Variants in GTF2H1 observed in about 807,000 individuals in gnomAD.
GTF2H1 encodes the protein BTF2 p62.
GTF2H1 carries 16 observed loss-of-function variants against 71.2 expected under a neutral mutation model. The ratio of observed to expected loss-of-function variants is 0.22; its 90% CI spans 0.15 to 0.34. The LOEUF (loss-of-function observed/expected upper bound fraction) is 0.34, where lower values mean the gene tolerates loss of function less well. Ranked by LOEUF, GTF2H1 falls within the 10% of genes least tolerant of loss-of-function variation. The pLI, the probability that GTF2H1 is intolerant of heterozygous loss-of-function variation, is 1.00. For synonymous variants in GTF2H1, 215 were observed against 219.0 expected (o/e 0.98, Z 0.16); for missense variants, 498 against 648.2 (o/e 0.77, Z 2.52).
chr11:18,351,763 AAGCTCATGGTGGGAAGACTTCAT>A, intron 9 of GTF2H1, 95 bp from the exon 10 acceptor site: 1 of 588,688 alleles, frequency 1.7e-6, no homozygotes, highest in East Asian at 2.7e-5. Flanking sequence ...CTAGGAAGAG[AAGCTCATGGTGGGAAGACTTCAT>A]TTTTTACCCT....
rs150308872 is a variant in GTF2H1 at position 18,353,282 on chromosome 11, C to T, written c.1260+836C>T. Among the ~76,000 whole-genome samples, 8 of 152,286 alleles carry T rather than the reference C, an allele frequency of 5.3e-5. No individual in the cohort carries two copies. The South Asian group carries it at 8.3e-4, about 16-fold the overall frequency. On this transcript the variant is annotated intron_variant, in intron 11 of 14. Coordinates refer to ENST00000265963, the MANE Select transcript of GTF2H1 (RefSeq NM_005316.4). The stretch of plus-strand genomic sequence containing the variant: ...AATAAAAACATGTATTTTATCACTG[C>T]GGCTTGAAAACCTTCACTGCCTCCC...
chr11:18,360,626 G>A lies in GTF2H1; in HGVS notation c.1479G>A (p.Met493Ile), dbSNP rs776300504. The change falls in exon 14 of 15, where the codon ATG becomes ATA. Residue 493 changes from methionine to isoleucine, a missense_variant. Coordinates refer to ENST00000265963, the MANE Select transcript of GTF2H1 (RefSeq NM_005316.4). ...CTCATCTTTTTTAGGTAGTGAAAAT[G>A]AAAAGTAATTTGGAACGATTCCAAG... is the stretch of plus-strand genomic sequence containing the variant. ...TPFLEEKVVKMKSNLERFQVT... is the reference protein window; with the variant it reads ...TPFLEEKVVKIKSNLERFQVT... 4 of 1,524,856 alleles carry A rather than the reference G, an allele frequency of 2.6e-6. No homozygotes were observed. Among genetic ancestry groups the A allele is most frequent in the South Asian group, 1.3e-5 (1 of 79,256 alleles). 94.5% of individuals were successfully genotyped at this position (1,524,856 alleles called of 1,614,324 possible).
intron 1 of GTF2H1, among the ~76,000 whole-genome samples, chr11:18,326,739 A>G (rs1864777325): frequency 6.6e-6 from 1 of 152,148 alleles, no homozygotes; most frequent in Non-Finnish European, 1.5e-5. Context: ...CTTTTCTTCC[A>G]ACTGCTGACA....
chr11:18,346,564 C>T (rs1425441477), intron 7 of GTF2H1, among the ~76,000 whole-genome samples: 1 of 152,162 alleles, frequency 6.6e-6, no homozygotes, highest in East Asian at 1.9e-4. Context: ...GTAGCGTGCA[C>T]TCAATACATG....
chr11:18,353,354 T>C (rs1380826629), intron 11 of GTF2H1, among the ~76,000 whole-genome samples: 1 of 152,228 alleles, frequency 6.6e-6, no homozygotes, highest in Non-Finnish European at 1.5e-5. Flanking sequence ...CAAAACTCTT[T>C]ATAGTCTGGC....
At chr11:18,358,476 T>C (rs1865615799) in intron 12 of GTF2H1, 49 bp from the exon 13 acceptor site, 2 of 1,056,176 alleles carry the variant, frequency 1.9e-6, no homozygotes, top group East Asian at 2.4e-5. Context: ...TTCGAGACTG[T>C]ATATGTTAAA....
rs769314861 is a variant in GTF2H1 at position 18,335,780 on chromosome 11, G to A, written c.181G>A (p.Ala61Thr). 1.2e-6 allele frequency: 2 copies of A among 1,613,706 alleles called. No individual in the cohort carries two copies. The highest frequency in any genetic ancestry group is 1.3e-5 in the African/African-American group (1 of 74,892). ...KCQKISPEGK[A>T]KIQLQLVLHA... Reference sequence around the variant, plus strand: ...CCAGAAAATTAGTCCAGAAGGAAAAGCTAAAATTCAGCTTCAGCTGGTCCT... The same window carrying A: ...CCAGAAAATTAGTCCAGAAGGAAAAACTAAAATTCAGCTTCAGCTGGTCCT... The change falls in exon 3 of 15, where the codon GCT becomes ACT. Residue 61 changes from alanine to threonine, a missense_variant. Physicochemically the swap from Ala to Thr is moderately conservative, Grantham distance 58. This residue lies in a region of GTF2H1 where 216 missense variants were observed against 306.2 expected (regional missense o/e 0.71). Coordinates refer to ENST00000265963, the MANE Select transcript of GTF2H1 (RefSeq NM_005316.4).
chr11:18,358,943 T>G (rs1204761067), intron 13 of GTF2H1, among the ~76,000 whole-genome samples: 1 of 152,226 alleles, frequency 6.6e-6, no homozygotes, highest in African/African-American at 2.4e-5. Flanking sequence ...AAGTTATTTA[T>G]ATTTGATACG....
intron 4 of GTF2H1, 39 bp from the exon 5 acceptor site, chr11:18,339,525 G>A: frequency 1.4e-6 from 2 of 1,405,808 alleles, no homozygotes; most frequent in East Asian, 4.6e-5. Flanking sequence ...ATCTTTCCCT[G>A]ATGCTCTAAC....
chr11:18,342,502 T>A (rs981689755), intron 7 of GTF2H1, among the ~76,000 whole-genome samples: 1 of 152,124 alleles, frequency 6.6e-6, no homozygotes, highest in Non-Finnish European at 1.5e-5. Flanking sequence ...CCTCAGGTGA[T>A]CTGCCCACCT....
intron 11 of GTF2H1, 71 bp downstream of exon 11, chr11:18,352,517 T>C (rs2133981378): frequency 4.4e-6 from 3 of 681,644 alleles, no homozygotes; most frequent in Non-Finnish European, 8.0e-6. Flanking sequence ...CACAAGCAGA[T>C]TGAACCATAC....
intron 9 of GTF2H1, chr11:18,348,136 G>T: frequency 1.7e-6 from 1 of 577,584 alleles, no homozygotes; most frequent in South Asian, 2.3e-5. Flanking sequence ...CATTTTTATT[G>T]TTTTTTGTTT....
intron 11 of GTF2H1, among the ~76,000 whole-genome samples, chr11:18,356,858 C>T (rs1374786754): frequency 6.8e-6 from 1 of 147,878 alleles, no homozygotes; most frequent in African/African-American, 2.5e-5. Flanking sequence ...GACACCATCT[C>T]AGCTCACTGC....
Position 18,338,131 on chromosome 11 carries a change from T to A in GTF2H1, c.370T>A (p.Leu124Met). Residue 124 changes from leucine (L) to methionine (M), a missense_variant, in exon 4 of 15, where the codon TTG becomes ATG. Around this residue, in one of 3 missense-constraint regions of GTF2H1, gnomAD observed 216 missense variants for 306.2 expected, o/e 0.71. Coordinates refer to ENST00000265963, the MANE Select transcript of GTF2H1 (RefSeq NM_005316.4). ...CAGAATGCTGCAAGAAGATCCTGTTTTGTTTCAGCTTTATAAAGACCTTGT... is the reference window on the plus strand; with the variant it reads ...CAGAATGCTGCAAGAAGATCCTGTTATGTTTCAGCTTTATAAAGACCTTGT... The part of the protein sequence containing the change: ...KNRMLQEDPV[L>M]FQLYKDLVVS... 1 of 1,611,732 alleles carries A rather than the reference T, an allele frequency of 6.2e-7. No individual in the cohort carries two copies. The highest frequency in any genetic ancestry group is 8.5e-7 in the Non-Finnish European group (1 of 1,177,822).
Position 18,357,973 on chromosome 11 carries a change from A to G in GTF2H1, c.1282A>G (p.Ser428Gly). The change falls in exon 12 of 15, where the codon AGT (serine) becomes GGT (glycine). Residue 428 changes from serine (S) to glycine (G), a missense_variant. This residue lies in a region of GTF2H1 where 266 missense variants were observed against 301.6 expected (regional missense o/e 0.88). Coordinates refer to ENST00000265963, the MANE Select transcript of GTF2H1 (RefSeq NM_005316.4). ...LTQVLSSSAA[S>G]STITALSPGG... ...TCAGGTTCTCTCAAGTAGTGCTGCC[A>G]GTAGTACCATCACAGCACTGTCACC... The G allele has an allele frequency of 1.2e-6, 2 of 1,611,230 alleles. No individual in the cohort carries two copies. The highest frequency in any genetic ancestry group is 1.7e-6 in the Non-Finnish European group (2 of 1,177,470).
In GTF2H1 at chr11:18,339,583, C is replaced by A; in HGVS notation, c.533C>A (p.Thr178Asn). The change falls in exon 5 of 15, where the codon ACT becomes AAT. Residue 178 changes from threonine (T) to asparagine (N), a missense_variant. Physicochemically the swap from Thr to Asn is moderately conservative, Grantham distance 65. Transcript: ENST00000265963. ...TTTTAGGCTGATGTCCGGCCCCAAA[C>A]TGATGGCTGTAACGGTCTAAGATAT... ...AAFLADVRPQ[T>N]DGCNGLRYNL... 6.2e-7 allele frequency: 1 copy of A among 1,613,234 alleles called. No homozygotes were observed. Among genetic ancestry groups the A allele is most frequent in the East Asian group, 2.2e-5 (1 of 44,880 alleles).
At chr11:18,360,190 T>C (rs1865662843) in intron 13 of GTF2H1, among the ~76,000 whole-genome samples, 1 of 151,214 alleles carries the variant, frequency 6.6e-6, no homozygotes, top group African/African-American at 2.4e-5. Context: ...TGGTGTGATC[T>C]CAGTTCACTG....
chr11:18,349,682 CAAAG>C (rs753368663), intron 9 of GTF2H1, among the ~76,000 whole-genome samples: 5 of 151,588 alleles, frequency 3.3e-5, no homozygotes, highest in Non-Finnish European at 5.9e-5. Context: ...GACTCCATCT[CAAAG>C]AAAAAATAAA....
chr11:18,363,792 G>T (rs1001593470), intron 14 of GTF2H1, among the ~76,000 whole-genome samples: 1 of 151,602 alleles, frequency 6.6e-6, no homozygotes, highest in Non-Finnish European at 1.5e-5. Flanking sequence ...GATGCTGAGG[G>T]CCAGGCGCGG....
Sources: gnomAD v4.1 joint callset for allele counts (sites outside exome capture counted in the v4.1 genomes callset) on GRCh38, gnomAD v4.1.1 for gene constraint, gnomAD v4.1.1 regional missense constraint, MANE v1.5 for transcripts, NCBI Gene and HGNC (gene_info 2026-07-23, HGNC 2026-07-21) for gene names.